Variants in EMG1 observed in about 807,000 individuals in gnomAD.
The protein encoded by EMG1 is ribosomal RNA small subunit methyltransferase NEP1.
EMG1 carries 24 observed loss-of-function variants against 26.9 expected under a neutral mutation model. That is an observed-to-expected ratio of 0.89 (90% confidence interval 0.65 to 1.26). The LOEUF is 1.26. Among genes scored for constraint, EMG1 ranks in the 50% most tolerant of loss-of-function variants. EMG1 has a pLI of 0.00. For synonymous variants in EMG1, 140 were observed against 112.6 expected, an observed-to-expected ratio of 1.24 and a Z score of -1.54; for missense variants, 299 against 307.6, an observed-to-expected ratio of 0.97 and a Z score of 0.21.
At chr12:6,993,664 T>C (rs782303242) in intron 7 of EMG1, among the ~76,000 whole-genome samples, 1 of 152,210 alleles carries the variant, frequency 6.6e-6, no homozygotes, top group Non-Finnish European at 1.5e-5. Context: ...GTCTGGCTTA[T>C]TTCACTTAGC....
At chr12:6,992,292 C>T (rs782648013), downstream of EMG1, among the ~76,000 whole-genome samples, 13 of 151,654 alleles carry the variant, frequency 8.6e-5, no homozygotes, top group African/African-American at 2.9e-4. Context: ...GTGATGCCCC[C>T]ACCGCACTCT....
downstream of EMG1, chr12:6,983,306 C>T: frequency 1.5e-6 from 1 of 676,636 alleles, no homozygotes; most frequent in Non-Finnish European, 2.7e-6. Context: ...CTTCATACAA[C>T]CCTCTTTGCA....
chr12:6,987,942 C>A lies in EMG1; in HGVS notation c.*211+104C>A. On this transcript the variant is annotated intron_variant and NMD_transcript_variant, in intron 7 of 7. Coordinates refer to the EMG1 transcript ENST00000261406. The surrounding 1 kb of genome is among the most constrained non-coding windows in gnomAD (Gnocchi z 4.1). ...CCTGTCTGTCCCTTTCCTTGCTACT[C>A]TGGGATCAACAGTCACCTCTTGAAC... The A allele has an allele frequency of 2.5e-6, 1 of 398,954 alleles. No homozygotes were observed. The highest frequency in any genetic ancestry group is 4.4e-6 in the Non-Finnish European group (1 of 225,418). The allele number at this position is 398,954 out of a possible 1,614,324, so 24.7% of individuals were successfully genotyped here.
chr12:6,980,150 C>T (rs1382219012), downstream of EMG1, among the ~76,000 whole-genome samples: 13 of 151,566 alleles, frequency 8.6e-5, 1 homozygote, highest in African/African-American at 1.2e-4. Flanking sequence ...TGGGCTCAAG[C>T]GATCCCCTTG....
At chr12:6,993,239 A>G (rs1329464180), downstream of EMG1, among the ~76,000 whole-genome samples, 2 of 152,218 alleles carry the variant, frequency 1.3e-5, no homozygotes, top group African/African-American at 4.8e-5. Flanking sequence ...GGAGATCAAG[A>G]CCATCCTGGC....
Position 6,975,755 on chromosome 12 carries a change from C to G in EMG1, c.681C>G (p.Ala227=). Residue 227 remains alanine, a synonymous_variant, in exon 6 of 6, where the codon GCC becomes GCG. Transcript: ENST00000599672. The stretch of plus-strand genomic sequence containing the variant: ...TCAGTAACTACCCCCTTTCTGCTGC[C>G]CTCACCTGTGCAAAACTTACCACAG... The part of the protein sequence containing the change: ...VSISNYPLSA[A]LTCAKLTTAF... The G allele has an allele frequency of 6.2e-7, 1 of 1,613,684 alleles. No homozygotes were observed. Among genetic ancestry groups the G allele is most frequent in the Non-Finnish European group, 8.5e-7 (1 of 1,179,604 alleles).
Position 6,970,965 on chromosome 12 carries a change from C to T in EMG1, c.42C>T (p.Ser14=). 6.2e-7 allele frequency: 1 copy of T among 1,612,874 alleles called. No homozygotes were observed. The highest frequency in any genetic ancestry group is 1.1e-5 in the South Asian group (1 of 90,820). Residue 14 remains serine, a synonymous_variant, in exon 1 of 6, where the codon AGC becomes AGT. Coordinates refer to ENST00000599672, the MANE Select transcript of EMG1 (RefSeq NM_006331.8). ...PSDGFKPRER[S]GGEQAQDWDA... is the part of the protein sequence containing the mutation. Reference sequence around the variant, plus strand: ...ATGGATTCAAGCCTCGTGAACGAAGCGGTGGGGAGCAGGCACAGGACTGGG... The same window carrying T: ...ATGGATTCAAGCCTCGTGAACGAAGTGGTGGGGAGCAGGCACAGGACTGGG...
chr12:6,988,848 C>T (rs111969048), downstream of EMG1, among the ~76,000 whole-genome samples: 1,814 of 152,180 alleles, frequency 0.012, 35 homozygotes, highest in African/African-American at 0.04. Context: ...ACTTGTTGGC[C>T]GGGCGCCGTG....
chr12:6,991,443 T>C (rs1230568128), downstream of EMG1, among the ~76,000 whole-genome samples: 3 of 152,212 alleles, frequency 2.0e-5, no homozygotes, highest in Non-Finnish European at 4.4e-5. Flanking sequence ...TGGTTCCCTG[T>C]TGTTAGGCAG....
In EMG1 at chr12:6,977,611, A is replaced by G. The variant is rs1946422993; in HGVS notation, c.*1802A>G. ...CTGGAGGCCTACCTGTCTTTCCACA[A>G]TAACAATGAGGAATTCCATCTGGAA... On this transcript the variant is annotated 3_prime_UTR_variant, in exon 6 of 6. Transcript: ENST00000599672. The surrounding 1 kb of genome is among the most constrained non-coding windows in gnomAD (Gnocchi z 4.5). 6 of 1,614,204 alleles carry G rather than the reference A, an allele frequency of 3.7e-6. No individual in the cohort carries two copies. Among genetic ancestry groups the G allele is most frequent in the East Asian group, 2.2e-5 (1 of 44,892 alleles).
Position 6,979,806 on chromosome 12 carries a change from A to G in EMG1, c.*3997A>G. ...TTAAGAGTTGTAGGAAAGTCAGGGC[A>G]GCAGACAGTGGACCAGTCTTGTGTT... On this transcript the variant is annotated 3_prime_UTR_variant, in exon 6 of 6. Coordinates refer to ENST00000599672, the MANE Select transcript of EMG1 (RefSeq NM_006331.8). 1 of 564,578 alleles carries G rather than the reference A, an allele frequency of 1.8e-6. No homozygotes were observed. The highest frequency in any genetic ancestry group is 3.2e-6 in the Non-Finnish European group (1 of 314,824). 35.0% of individuals were successfully genotyped at this position (564,578 alleles called of 1,614,324 possible). A position where few individuals can be genotyped will look rare whatever the true frequency, so the allele number is the denominator to read the frequency against.
intron 1 of EMG1, among the ~76,000 whole-genome samples, chr12:6,972,881 TG>T (rs1946350090): frequency 6.6e-6 from 1 of 152,040 alleles, no homozygotes; most frequent in African/African-American, 2.4e-5. Flanking sequence ...CTCTGTTGCC[TG>T]GGCAACAGAG....
intron 1 of EMG1, 62 bp downstream of exon 1, chr12:6,971,153 G>T: frequency 3.6e-6 from 5 of 1,394,088 alleles, no homozygotes; most frequent in Non-Finnish European, 5.0e-6. Flanking sequence ...GTGGAATGAG[G>T]GTAAGGGGCC....
chr12:6,986,832 C>T (rs868929699), intron 6 of EMG1, among the ~76,000 whole-genome samples: 4 of 148,414 alleles, frequency 2.7e-5, no homozygotes, highest in South Asian at 2.1e-4. Context: ...TTACACCTGT[C>T]GGCCGGGTGC....
downstream of EMG1, chr12:6,981,731 A>AGGGGGGGGGGG: frequency 1.4e-5 from 3 of 210,732 alleles, no homozygotes; most frequent in Non-Finnish European, 2.6e-5. Context: ...CGGGGGGCGG[A>AGGGGGGGGGGG]GGGGGGGTGC....
Position 6,970,944 on chromosome 12 carries a change from A to T in EMG1, c.21A>T (p.Gly7=). 1.4e-5 allele frequency: 22 copies of T among 1,613,218 alleles called. No individual in the cohort carries two copies. The highest frequency in any genetic ancestry group is 1.9e-5 in the Non-Finnish European group (22 of 1,179,554). MAAPSD[G]FKPRERSGGE... is the part of the protein sequence containing the mutation. Reference sequence around the variant, plus strand: ...GCAAGATGGCCGCGCCCAGTGATGGATTCAAGCCTCGTGAACGAAGCGGTG... The same window carrying T: ...GCAAGATGGCCGCGCCCAGTGATGGTTTCAAGCCTCGTGAACGAAGCGGTG... Residue 7 remains glycine (G), a synonymous_variant, in exon 1 of 6, where the codon GGA becomes GGT. Coordinates refer to ENST00000599672, the MANE Select transcript of EMG1 (RefSeq NM_006331.8).
Position 6,975,140 on chromosome 12 carries a change from CT to C in EMG1, c.467del (p.Leu156Ter). On this transcript the variant is annotated frameshift_variant, in exon 4 of 6. Transcript: ENST00000599672. LOFTEE classifies it high-confidence loss of function. Reference sequence around the variant, plus strand: ...TCGAGCAGCTGATGGCCCCCAGAAGCTTTTGAAGGTGAGGTATTGAAACCTG... The same window carrying C: ...TCGAGCAGCTGATGGCCCCCAGAAGCTTTGAAGGTGAGGTATTGAAACCTG... ...SVRAADGPQK[L>X]LKVIKNPVSD... 1 of 1,614,018 alleles carries C rather than the reference CT, an allele frequency of 6.2e-7. No individual in the cohort carries two copies. Among genetic ancestry groups the C allele is most frequent in the Non-Finnish European group, 8.5e-7 (1 of 1,179,902 alleles).
chr12:6,975,177 G>A, intron 4 of EMG1, 29 bp downstream of exon 4: 1 of 1,613,984 alleles, frequency 6.2e-7, no homozygotes, highest in Non-Finnish European at 8.5e-7. Flanking sequence ...TTAGTTGAAG[G>A]CTGGTTCTGG....
rs1465858710 is a variant in EMG1 at position 6,974,930 on chromosome 12, C to T, written c.413-160C>T. On this transcript the variant is annotated intron_variant, in intron 3 of 5. Coordinates refer to ENST00000599672, the MANE Select transcript of EMG1 (RefSeq NM_006331.8). ...CTGAACCCATCACTGTACAGCTAGC[C>T]ATATGCTTGGCAACTGTTTGTTCCT... The T allele has an allele frequency of 7.1e-6, 6 of 846,664 alleles. No individual in the cohort carries two copies. In the African/African-American group the frequency reaches 1.0e-4, roughly 14 times the overall value. 52.4% of individuals were successfully genotyped at this position (846,664 alleles called of 1,614,324 possible).
Sources: allele counts gnomAD v4.1 joint callset (sites outside exome capture counted in the v4.1 genomes callset), GRCh38; gene constraint gnomAD v4.1.1; non-coding constraint Gnocchi (gnomAD v3.1); transcripts MANE v1.5; gene names NCBI Gene and HGNC (gene_info 2026-07-23, HGNC 2026-07-21).